The following PHACTR1 variants were observed in gnomAD, a reference collection of about 807,000 sequenced individuals.
PHACTR1 encodes the protein RPEL repeat containing 1.
Under a neutral mutation model 69.2 loss-of-function variants are expected in PHACTR1, and 16 were observed. The observed-to-expected ratio is 0.23, with a 90% confidence interval of 0.16 to 0.35. PHACTR1 has a LOEUF of 0.35. Ranked by LOEUF, PHACTR1 falls within the 10% of genes least tolerant of loss-of-function variation. The pLI is 1.00. For synonymous variants in PHACTR1, 312 were observed against 284.5 expected (o/e 1.10, Z -0.97); for missense variants, 510 against 734.7 (o/e 0.69, Z 3.54).
rs12178033 is a variant in PHACTR1 at position 12,807,906 on chromosome 6, A to G, written c.250+58116A>G. ...TGTGTCTCGTAAAATGTCGTTGCCC[A>G]ATAAAGTGTTTTGAATTTGCTTTGA... On this transcript the variant is annotated intron_variant, in intron 4 of 14. Coordinates refer to ENST00000332995, the MANE Select transcript of PHACTR1 (RefSeq NM_030948.6). 4.2e-3 allele frequency among the ~76,000 whole-genome samples: 634 copies of G among 152,324 alleles called. 4 individuals carry two copies. The highest frequency in any genetic ancestry group is 0.015 in the African/African-American group (613 of 41,576).
intron 8 of PHACTR1, among the ~76,000 whole-genome samples, chr6:13,210,546 T>C (rs748430764): frequency 6.6e-6 from 1 of 152,190 alleles, no homozygotes; most frequent in African/African-American, 2.4e-5. Flanking sequence ...GGTTCCAGAA[T>C]TAACTGCCGG....
intron 4 of PHACTR1, among the ~76,000 whole-genome samples, chr6:12,959,600 G>A (rs1426217864): frequency 6.6e-6 from 1 of 152,158 alleles, no homozygotes; most frequent in East Asian, 1.9e-4. Context: ...ATTAATATCA[G>A]CAGAGTGAGT....
intron 4 of PHACTR1, among the ~76,000 whole-genome samples, chr6:12,884,992 C>G (rs936305231): frequency 1.3e-5 from 2 of 152,182 alleles, no homozygotes; most frequent in African/African-American, 2.4e-5. Context: ...TTATTGGAGT[C>G]GAGTCCTAGA....
At chr6:13,155,586 T>C (rs1470135738) in intron 5 of PHACTR1, among the ~76,000 whole-genome samples, 2 of 151,892 alleles carry the variant, frequency 1.3e-5, no homozygotes, top group Non-Finnish European at 2.9e-5. Context: ...TTAAGAGAGA[T>C]GGTAAGAAGA....
At chr6:12,861,331 A>G (rs1262950616) in intron 4 of PHACTR1, among the ~76,000 whole-genome samples, 7 of 152,194 alleles carry the variant, frequency 4.6e-5, no homozygotes, top group Admixed American at 4.6e-4. Flanking sequence ...GCCAATCTGG[A>G]TATTCTTTAG....
chr6:13,035,990 C>G (rs1490274111), intron 4 of PHACTR1, among the ~76,000 whole-genome samples: 1 of 152,152 alleles, frequency 6.6e-6, no homozygotes, highest in South Asian at 2.1e-4. Context: ...ATGCTAACTC[C>G]ATTGCTAAAT....
intron 4 of PHACTR1, among the ~76,000 whole-genome samples, chr6:12,879,780 G>T (rs1782899640): frequency 6.6e-6 from 1 of 152,026 alleles, no homozygotes; most frequent in African/African-American, 2.4e-5. Context: ...GTCAAGATTT[G>T]AACCTAGACA....
chr6:13,245,050 C>T lies in PHACTR1; in HGVS notation c.1391+14857C>T, dbSNP rs373113843. Among the ~76,000 whole-genome samples the T allele has an allele frequency of 1.3e-5, 2 of 152,154 alleles. No individual in the cohort carries two copies. The highest frequency in any genetic ancestry group is 2.9e-5 in the Non-Finnish European group (2 of 68,024). On this transcript the variant is annotated intron_variant, in intron 10 of 14. Transcript: ENST00000332995. This position sits in a 1 kb window ranked among gnomAD's most constrained non-coding sequence, Gnocchi z 4.1. ...CATGTTCTTCTGCCATGGTTTCAGC[C>T]GGTCCCTCTGTTTGGGGTCCCTGAC...
chr6:12,877,271 C>A (rs575870476), intron 4 of PHACTR1, among the ~76,000 whole-genome samples: 2 of 152,258 alleles, frequency 1.3e-5, no homozygotes, highest in African/African-American at 4.8e-5. Context: ...TGTATGTATG[C>A]TTGTTGTGTG....
intron 3 of PHACTR1, among the ~76,000 whole-genome samples, chr6:12,734,451 T>C (rs1343169606): frequency 1.3e-5 from 2 of 152,206 alleles, no homozygotes; most frequent in African/African-American, 4.8e-5. Flanking sequence ...GTGGGTACTA[T>C]GTTAGTCCCA....
At chr6:13,135,031 T>C (rs1821330494) in intron 5 of PHACTR1, among the ~76,000 whole-genome samples, 1 of 152,176 alleles carries the variant, frequency 6.6e-6, no homozygotes, top group African/African-American at 2.4e-5. Context: ...AATTCTTCCA[T>C]TGTTTTACTA....
intron 4 of PHACTR1, among the ~76,000 whole-genome samples, chr6:12,900,897 G>T (rs762891375): frequency 6.6e-6 from 1 of 151,982 alleles, no homozygotes; most frequent in African/African-American, 2.4e-5. Flanking sequence ...CATTGCTCAG[G>T]TAAGTGTTAC....
intron 4 of PHACTR1, among the ~76,000 whole-genome samples, chr6:12,895,560 A>G (rs1455207657): frequency 1.3e-5 from 2 of 152,186 alleles, no homozygotes; most frequent in Non-Finnish European, 2.9e-5. Context: ...CTAGATAGTA[A>G]CATGGTAAAG....
At chr6:12,966,068 G>A (rs1202221412) in intron 4 of PHACTR1, among the ~76,000 whole-genome samples, 9 of 152,190 alleles carry the variant, frequency 5.9e-5, no homozygotes, top group African/African-American at 1.9e-4. Context: ...ACCACTGACT[G>A]CACAAGTGGA....
chr6:12,718,635 C>A, intron 2 of PHACTR1, 64 bp from the exon 3 acceptor site: 1 of 436,882 alleles, frequency 2.3e-6, no homozygotes, highest in Non-Finnish European at 4.0e-6. Flanking sequence ...TTTTAAAGTA[C>A]ATCTATATAT....
At chr6:13,216,833 AATTGTCT>A (rs1767749999) in intron 8 of PHACTR1, among the ~76,000 whole-genome samples, 1 of 152,238 alleles carries the variant, frequency 6.6e-6, no homozygotes, top group Admixed American at 6.5e-5. Flanking sequence ...TTGGCAAGGA[AATTGTCT>A]AAGCAATTTC....
At chr6:13,064,553 T>G (rs1395998637) in intron 5 of PHACTR1, among the ~76,000 whole-genome samples, 3 of 1,720 alleles carry the variant, frequency 1.7e-3, no homozygotes, top group African/African-American at 2.5e-3. Context: ...AAAAGATATA[T>G]ATATATATAT....
chr6:12,856,205 T>TA lies in PHACTR1; in HGVS notation c.250+106419dup, dbSNP rs1182690867. On this transcript the variant is annotated intron_variant, in intron 4 of 14. Transcript: ENST00000332995. ...GTCACTGTCTACTTAAGCTTAAATC[T>TA]AAAATTCACCCTTTCTTTTTTTCTT... 2.0e-5 allele frequency among the ~76,000 whole-genome samples: 3 copies of TA among 152,150 alleles called. 1 individual carries two copies. The highest frequency in any genetic ancestry group is 2.0e-4 in the Admixed American group (3 of 15,282).
intron 4 of PHACTR1, among the ~76,000 whole-genome samples, chr6:12,993,050 C>T (rs1389329209): frequency 1.3e-5 from 2 of 152,166 alleles, no homozygotes; most frequent in Non-Finnish European, 2.9e-5. Context: ...ATGCCTAGCC[C>T]CCAGGTGGCC....
Sources: allele counts gnomAD v4.1 joint callset (sites outside exome capture counted in the v4.1 genomes callset), GRCh38; gene constraint gnomAD v4.1.1; non-coding constraint Gnocchi (gnomAD v3.1); transcripts MANE v1.5; gene names NCBI Gene and HGNC (gene_info 2026-07-23, HGNC 2026-07-21).